Variants in ST3GAL6 observed in about 807,000 individuals in gnomAD.
The protein encoded by ST3GAL6 is ST3 beta-galactoside alpha-2,3-sialyltransferase 6.
ST3GAL6 carries 31 observed loss-of-function variants against 40.5 expected under a neutral mutation model. The observed-to-expected ratio is 0.77, with a 90% CI of 0.58 to 1.03. The LOEUF (loss-of-function observed/expected upper bound fraction) is 1.03, where lower values mean the gene tolerates loss of function less well. Among genes scored for constraint, ST3GAL6 ranks in the 50% least tolerant of loss-of-function variants. ST3GAL6 has a pLI of 0.00. For synonymous variants in ST3GAL6, 129 were observed against 136.9 expected (o/e 0.94, Z 0.40); for missense variants, 357 against 393.2 (o/e 0.91, Z 0.78).
chr3:98,782,018 A>G (rs1940177556), intron 5 of ST3GAL6, among the ~76,000 whole-genome samples: 1 of 152,116 alleles, frequency 6.6e-6, no homozygotes. Context: ...TATTCATGGG[A>G]TGATTTGGGG....
At chr3:98,745,967 G>A (rs1459354560) in intron 1 of ST3GAL6, among the ~76,000 whole-genome samples, 1 of 152,168 alleles carries the variant, frequency 6.6e-6, no homozygotes, top group Non-Finnish European at 1.5e-5. Context: ...GGCTCAGACA[G>A]TCCTTACACC....
chr3:98,734,586 C>A (rs959487658), intron 1 of ST3GAL6, among the ~76,000 whole-genome samples: 3 of 152,100 alleles, frequency 2.0e-5, no homozygotes, highest in Non-Finnish European at 2.9e-5. Context: ...CCAGATTGCA[C>A]CATATGTTGT....
upstream of ST3GAL6, among the ~76,000 whole-genome samples, chr3:98,762,301 T>C (rs1168920502): frequency 6.6e-6 from 1 of 152,238 alleles, no homozygotes; most frequent in Non-Finnish European, 1.5e-5. Flanking sequence ...GCTGATCTAA[T>C]TTGTTGACAC....
chr3:98,794,558 A>G lies in ST3GAL6; in HGVS notation c.*797A>G, dbSNP rs1941459311. 6.6e-6 allele frequency: 1 copy of G among 152,064 alleles called. No homozygotes were observed. Among genetic ancestry groups the G allele is most frequent in the African/African-American group, 2.4e-5 (1 of 41,408 alleles). The allele number at this position is 152,064 out of a possible 1,614,324, so 9.4% of individuals were successfully genotyped here. On this transcript the variant is annotated 3_prime_UTR_variant, in exon 10 of 10. Coordinates refer to ENST00000483910, the MANE Select transcript of ST3GAL6 (RefSeq NM_001323368.2). ...GGTTTTCCACTTGAAGTAAATTAGG[A>G]AAGGTAAAGAAGATAACAGAACAAG... is the stretch of plus-strand genomic sequence containing the variant.
chr3:98,763,181 C>G (rs995070778), upstream of ST3GAL6: 25 of 1,198,782 alleles, frequency 2.1e-5, no homozygotes, highest in South Asian at 2.0e-4. Flanking sequence ...AAAATCTAGA[C>G]ATTAATGCAT....
rs749556970 is a variant in ST3GAL6 at position 98,788,446 on chromosome 3, G to A, written c.739G>A (p.Val247Met). ...AAYELLHFPK[V>M]FPKNQKPKHP... ...TTATGAACTGCTTCATTTTCCAAAA[G>A]TGTTTCCCAAAAATCAGGTATGTAT... is the stretch of plus-strand genomic sequence containing the variant. Residue 247 changes from valine (V) to methionine (M), a missense_variant, in exon 8 of 10, where the codon GTG becomes ATG. Coordinates refer to ENST00000483910, the MANE Select transcript of ST3GAL6 (RefSeq NM_001323368.2). 1 of 1,608,098 alleles carries A rather than the reference G, an allele frequency of 6.2e-7. No individual in the cohort carries two copies. The highest frequency in any genetic ancestry group is 1.1e-5 in the South Asian group (1 of 89,700).
intron 1 of ST3GAL6, among the ~76,000 whole-genome samples, chr3:98,739,276 C>T (rs532955926): frequency 6.6e-6 from 1 of 152,134 alleles, no homozygotes; most frequent in Non-Finnish European, 1.5e-5. Flanking sequence ...CCTAACATCA[C>T]ATCTAGAGAA....
intron 1 of ST3GAL6, among the ~76,000 whole-genome samples, chr3:98,766,405 CTTTTTT>C (rs369996406): frequency 7.3e-4 from 76 of 104,088 alleles, no homozygotes; most frequent in African/African-American, 1.6e-3. Context: ...AAATGTCATT[CTTTTTT>C]TTTTTTTTTT....
chr3:98,740,465 G>T (rs929538372), intron 1 of ST3GAL6, among the ~76,000 whole-genome samples: 2 of 151,752 alleles, frequency 1.3e-5, no homozygotes, highest in African/African-American at 4.8e-5. Flanking sequence ...CTGTAGCCAC[G>T]CAGGTCTCCT....
At chr3:98,772,952 T>G in intron 4 of ST3GAL6, 36 bp downstream of exon 4, 1 of 1,357,636 alleles carries the variant, frequency 7.4e-7, no homozygotes, top group South Asian at 1.2e-5. Flanking sequence ...TCTGTTAAAT[T>G]TGAGTGGTGT....
upstream of ST3GAL6, among the ~76,000 whole-genome samples, chr3:98,762,241 A>T (rs753140601): frequency 6.6e-6 from 1 of 152,218 alleles, no homozygotes; most frequent in Non-Finnish European, 1.5e-5. Context: ...CCTTTCTGCA[A>T]TGCAGAAAGA....
chr3:98,782,150 G>A, intron 5 of ST3GAL6: 1 of 676,684 alleles, frequency 1.5e-6, no homozygotes, highest in Non-Finnish European at 2.7e-6. Flanking sequence ...CTAGAATAGG[G>A]ATTGAAATCA....
chr3:98,784,109 T>A (rs1326939954), intron 5 of ST3GAL6, among the ~76,000 whole-genome samples: 2 of 152,236 alleles, frequency 1.3e-5, no homozygotes, highest in Non-Finnish European at 2.9e-5. Context: ...AGTGTTCTCT[T>A]TAGACTTTCC....
intron 9 of ST3GAL6, among the ~76,000 whole-genome samples, chr3:98,793,097 TTAAG>T (rs1941346326): frequency 6.6e-6 from 1 of 152,090 alleles, no homozygotes; most frequent in Non-Finnish European, 1.5e-5. Context: ...AGACAAGCAC[TTAAG>T]TATTTCAAGA....
chr3:98,758,669 T>G (rs2107379826), upstream of ST3GAL6, among the ~76,000 whole-genome samples: 1 of 152,274 alleles, frequency 6.6e-6, no homozygotes, highest in South Asian at 2.1e-4. Context: ...AATAGCACAG[T>G]AATGGAAACT....
Position 98,785,042 on chromosome 3 carries a change from T to G in ST3GAL6, c.431+2T>G. ...CGACTCCTATGATGTAATAATAAGG[T>G]AAATATATTTTCTATTTGCTACCCT... On this transcript the variant is annotated splice_donor_variant, in intron 6 of 9. Coordinates refer to ENST00000483910, the MANE Select transcript of ST3GAL6 (RefSeq NM_001323368.2). LOFTEE classifies it high-confidence loss of function. 6.4e-7 allele frequency: 1 copy of G among 1,571,130 alleles called. No homozygotes were observed.
At chr3:98,763,135 G>A (rs1036328865), upstream of ST3GAL6, 1 of 985,286 alleles carries the variant, frequency 1.0e-6, no homozygotes, top group Non-Finnish European at 1.2e-6. Flanking sequence ...GGTCTGTGAG[G>A]CTTAGGCTTA....
At chr3:98,780,640 C>T (rs970389102) in intron 5 of ST3GAL6, among the ~76,000 whole-genome samples, 3 of 152,146 alleles carry the variant, frequency 2.0e-5, no homozygotes, top group African/African-American at 7.2e-5. Flanking sequence ...TGAGGAATTG[C>T]CCTGCAGAAG....
intron 1 of ST3GAL6, among the ~76,000 whole-genome samples, chr3:98,735,627 C>A (rs1935478203): frequency 6.6e-6 from 1 of 152,174 alleles, no homozygotes; most frequent in South Asian, 2.1e-4. Context: ...AAGAGGTTTT[C>A]CCAGGGTTAC....
Sources: allele counts gnomAD v4.1 joint callset (sites outside exome capture counted in the v4.1 genomes callset), GRCh38; gene constraint gnomAD v4.1.1; transcripts MANE v1.5; gene names NCBI Gene and HGNC (gene_info 2026-07-23, HGNC 2026-07-21).